Variants in VPS13D observed in about 807,000 individuals in gnomAD.
The protein encoded by VPS13D is vacuolar protein sorting 13 homolog D.
Under a neutral mutation model 461.9 loss-of-function variants are expected in VPS13D, and 187 were observed. The ratio of observed to expected loss-of-function variants is 0.40; its 90% CI spans 0.36 to 0.46. The LOEUF (loss-of-function observed/expected upper bound fraction) is 0.46. Ranked by LOEUF, VPS13D falls within the 20% of genes least tolerant of loss-of-function variation. The probability of loss-of-function intolerance (pLI) is 0.60; values close to 1 mark genes in which losing one functional copy is unlikely to be tolerated. For synonymous variants in VPS13D, 1,951 were observed against 1,986.3 expected, an observed-to-expected ratio of 0.98 and a Z score of 0.47; for missense variants, 4,711 against 5,364.9, an observed-to-expected ratio of 0.88 and a Z score of 3.81.
At position 12,511,804 on chromosome 1, in the gene VPS13D, T is replaced by G. The variant is rs1281502941; in HGVS notation, c.*2780T>G. The G allele has an allele frequency of 6.6e-6, 1 of 152,002 alleles. No homozygotes were observed. Among genetic ancestry groups the G allele is most frequent in the Non-Finnish European group, 1.5e-5 (1 of 68,046 alleles). The allele number at this position is 152,002 out of a possible 1,614,324, so 9.4% of individuals were successfully genotyped here. A position where few individuals can be genotyped will look rare whatever the true frequency, so the allele number is the denominator to read the frequency against. On this transcript the variant is annotated 3_prime_UTR_variant, in exon 70 of 70. Transcript: ENST00000620676. The surrounding 1 kb of genome is among the most constrained non-coding windows in gnomAD (Gnocchi z 4.5). ...CGGCCCCTTCCCCAAATCCCAAGAG[T>G]GTCTTGCTGCTTGGTGGGTGCTCAT... is the stretch of plus-strand genomic sequence containing the variant.
At chr1:12,443,986 C>T (rs756746628) in intron 65 of VPS13D, among the ~76,000 whole-genome samples, 23 of 152,026 alleles carry the variant, frequency 1.5e-4, no homozygotes, top group Non-Finnish European at 2.6e-4. Flanking sequence ...GCTGGGATTA[C>T]AGGCACCCGC....
Position 12,395,068 on chromosome 1 carries a change from G to A in VPS13D, c.11635-5113G>A, listed in dbSNP as rs78958315. On this transcript the variant is annotated intron_variant, in intron 60 of 69. Coordinates refer to ENST00000620676, the MANE Select transcript of VPS13D (RefSeq NM_015378.4). The stretch of plus-strand genomic sequence containing the variant: ...TCAACCTCACATCTAGGGGCCTGCC[G>A]GGACTTTAGGTCTAGAAGCAAACAG... Among the ~76,000 whole-genome samples, 1,493 of 152,134 alleles carry A rather than the reference G, an allele frequency of 9.8e-3. 31 individuals are homozygous for A. The highest frequency in any genetic ancestry group is 0.034 in the African/African-American group (1,426 of 41,516).
In VPS13D at chr1:12,275,835, G is replaced by A; in HGVS notation, c.2247G>A (p.Arg749=). 1 of 1,581,326 alleles carries A rather than the reference G, an allele frequency of 6.3e-7. No individual in the cohort carries two copies. Among genetic ancestry groups the A allele is most frequent in the Non-Finnish European group, 8.6e-7 (1 of 1,165,850 alleles). ...TTTTTTTATCTTCAGATAACTCCAG[G>A]AGGAAAAGTAGGGATGGGTCAGCAT... ...MLLTNTQDNS[R]RKSRDGSASE... Residue 749 remains arginine (R), a synonymous_variant, in exon 19 of 70, where the codon AGG becomes AGA. Coordinates refer to ENST00000620676, the MANE Select transcript of VPS13D (RefSeq NM_015378.4).
chr1:12,319,489 C>T lies in VPS13D; in HGVS notation c.7415-8C>T, dbSNP rs773255472. On this transcript the variant is annotated splice_region_variant and splice_polypyrimidine_tract_variant and intron_variant, in intron 31 of 69. Coordinates refer to ENST00000620676, the MANE Select transcript of VPS13D (RefSeq NM_015378.4). ...CTCTGGCTTGATTGACGACGTTGTCCTTTCCAGGTACGGAGTTTGTGGTCA... is the reference window on the plus strand; with the variant it reads ...CTCTGGCTTGATTGACGACGTTGTCTTTTCCAGGTACGGAGTTTGTGGTCA... 6.2e-7 allele frequency: 1 copy of T among 1,613,948 alleles called. No individual in the cohort carries two copies. The highest frequency in any genetic ancestry group is 8.5e-7 in the Non-Finnish European group (1 of 1,179,866).
chr1:12,401,689 G>T lies in VPS13D; in HGVS notation c.11866G>T (p.Asp3956Tyr). The change falls in exon 62 of 70, where the codon GAT becomes TAT. Residue 3956 changes from aspartate to tyrosine, a missense_variant. Transcript: ENST00000620676. ...LLKLLSFFGY[D>Y]QAESEVEKYD... ...CAAGCTGCTAAGTTTCTTTGGCTAC[G>T]ATCAAGCAGAATCAGGTAATGTTGA... is the stretch of plus-strand genomic sequence containing the variant. 1 of 1,613,062 alleles carries T rather than the reference G, an allele frequency of 6.2e-7. No individual in the cohort carries two copies. Among genetic ancestry groups the T allele is most frequent in the South Asian group, 1.1e-5 (1 of 91,010 alleles).
chr1:12,362,819 C>T lies in VPS13D; in HGVS notation c.10241C>T (p.Ala3414Val). The stretch of plus-strand genomic sequence containing the variant: ...GATAATAAATCATCTCACAAGCTTG[C>T]ATTTGCACAGAGGGAATTTGCCAGG... ...LLDNKSSHKL[A>V]FAQREFARGQ... Residue 3414 changes from alanine to valine, a missense_variant, in exon 51 of 70, where the codon GCA (alanine) becomes GTA (valine). By Grantham distance (64) the Ala-to-Val change is moderately conservative. This residue lies in a region of VPS13D where 4,411 missense variants were observed against 4,937.8 expected (regional missense o/e 0.89). Coordinates refer to ENST00000620676, the MANE Select transcript of VPS13D (RefSeq NM_015378.4). 1.2e-6 allele frequency: 2 copies of T among 1,614,188 alleles called. No homozygotes were observed. Among genetic ancestry groups the T allele is most frequent in the Non-Finnish European group, 1.7e-6 (2 of 1,180,024 alleles).
intron 49 of VPS13D, among the ~76,000 whole-genome samples, chr1:12,357,909 C>T (rs1557730642): frequency 6.7e-6 from 1 of 150,266 alleles, no homozygotes; most frequent in Non-Finnish European, 1.5e-5. Flanking sequence ...GAGGCTGAGG[C>T]AGGAGAATCA....
chr1:12,363,259 ACT>A lies in VPS13D; in HGVS notation c.10448+15_10448+16del, dbSNP rs1032305939. On this transcript the variant is annotated intron_variant, in intron 52 of 69. Transcript: ENST00000620676. ...CATATCAACATGAGGTAAGTTTGAG[ACT>A]CTAAATATAGACAAAAAGGTAGCCC... is the stretch of plus-strand genomic sequence containing the variant. 1.2e-6 allele frequency: 2 copies of A among 1,613,612 alleles called. No homozygotes were observed. The highest frequency in any genetic ancestry group is 3.3e-5 in the Admixed American group (2 of 59,964).
intron 67 of VPS13D, among the ~76,000 whole-genome samples, chr1:12,474,097 G>A (rs151268803): frequency 0.017 from 2,630 of 152,178 alleles, 96 homozygotes; most frequent in Admixed American, 0.099. Flanking sequence ...CAGGTTTGTC[G>A]GGTAAAAGTT....
chr1:12,488,599 G>C (rs1181936356), intron 67 of VPS13D, among the ~76,000 whole-genome samples: 2 of 151,066 alleles, frequency 1.3e-5, no homozygotes, highest in African/African-American at 4.9e-5. Context: ...GAAAATATTG[G>C]GCTGGACACG....
At chr1:12,396,873 C>T (rs1007410080) in intron 60 of VPS13D, among the ~76,000 whole-genome samples, 1 of 152,148 alleles carries the variant, frequency 6.6e-6, no homozygotes, top group Non-Finnish European at 1.5e-5. Flanking sequence ...TTCAAGGAAC[C>T]ATTTGCTGTT....
chr1:12,444,459 G>A (rs1645168865), intron 65 of VPS13D, among the ~76,000 whole-genome samples: 1 of 152,056 alleles, frequency 6.6e-6, no homozygotes, highest in Non-Finnish European at 1.5e-5. Context: ...TTTAAATATT[G>A]TTTCTGCCCC....
In VPS13D at chr1:12,318,337, G is replaced by A; in HGVS notation, c.7414G>A (p.Gly2472Ser). Residue 2472 changes from glycine to serine, a missense_variant and splice_region_variant, in exon 31 of 70, where the codon GGT becomes AGT. Physicochemically the swap from Gly to Ser is moderately conservative, Grantham distance 56. Around this residue, in one of 3 missense-constraint regions of VPS13D, gnomAD observed 4,411 missense variants for 4,937.8 expected, o/e 0.89. Transcript: ENST00000620676. ...CCTGGAGGTCAAGGTCAATGTAACA[G>A]GTGATTATATGTGGGTGTGATTCAT... ...RHLEVKVNVT[G>S]TEFVVIEDVS... 1 of 1,606,864 alleles carries A rather than the reference G, an allele frequency of 6.2e-7. No individual in the cohort carries two copies. The highest frequency in any genetic ancestry group is 8.5e-7 in the Non-Finnish European group (1 of 1,174,290).
intron 60 of VPS13D, among the ~76,000 whole-genome samples, chr1:12,388,579 GA>G (rs71570105): frequency 0.081 from 10,686 of 131,526 alleles, 412 homozygotes; most frequent in Admixed American, 0.15. Context: ...GTCTCAGGGG[GA>G]AAAAAAAAAA....
intron 63 of VPS13D, among the ~76,000 whole-genome samples, chr1:12,405,431 G>A (rs1409792484): frequency 6.6e-6 from 1 of 152,164 alleles, no homozygotes; most frequent in Non-Finnish European, 1.5e-5. Flanking sequence ...TAATGAGACA[G>A]TAGTCTGGTC....
chr1:12,335,846 TG>T lies in VPS13D; in HGVS notation c.8551+20del. Reference sequence around the variant, plus strand: ...GGACAAAGTAAGAGTTTTCACTACATGTGTTTAACTAAATCACTTTTGACCT... The same window carrying T: ...GGACAAAGTAAGAGTTTTCACTACATTGTTTAACTAAATCACTTTTGACCT... On this transcript the variant is annotated intron_variant, in intron 39 of 69. Coordinates refer to ENST00000620676, the MANE Select transcript of VPS13D (RefSeq NM_015378.4). 6.2e-7 allele frequency: 1 copy of T among 1,613,848 alleles called. No individual in the cohort carries two copies. The highest frequency in any genetic ancestry group is 1.1e-5 in the South Asian group (1 of 91,020).
chr1:12,404,163 C>G (rs113507239), intron 63 of VPS13D, among the ~76,000 whole-genome samples, 190 bp downstream of exon 63: 2 of 126,480 alleles, frequency 1.6e-5, no homozygotes, highest in African/African-American at 5.9e-5. Flanking sequence ...GTGTATTTGT[C>G]TTTAAAAAAA....
intron 30 of VPS13D, among the ~76,000 whole-genome samples, chr1:12,314,798 A>G (rs970305091): frequency 2.6e-5 from 4 of 152,216 alleles, no homozygotes; most frequent in Admixed American, 6.5e-5. Context: ...TTCTGGTATT[A>G]TGGGAGGCAG....
intron 59 of VPS13D, 42 bp from the exon 60 acceptor site, chr1:12,386,143 T>C (rs1644348429): frequency 1.3e-6 from 2 of 1,580,998 alleles, no homozygotes; most frequent in Non-Finnish European, 1.7e-6. Context: ...CTGTGAGCTG[T>C]GTTTAAAACA....
Sources: allele counts gnomAD v4.1 joint callset (sites outside exome capture counted in the v4.1 genomes callset), GRCh38; gene constraint gnomAD v4.1.1; regional missense constraint gnomAD v4.1.1; non-coding constraint Gnocchi (gnomAD v3.1); transcripts MANE v1.5; gene names NCBI Gene and HGNC (gene_info 2026-07-23, HGNC 2026-07-21).